Variants in CAST observed in about 807,000 individuals in gnomAD.
The protein encoded by CAST is MIR583 host.
A neutral mutation model predicts 119.6 loss-of-function variants in CAST; 76 were observed. The ratio of observed to expected loss-of-function variants is 0.64; its 90% CI spans 0.53 to 0.77. CAST has a LOEUF of 0.77. Among genes scored for constraint, CAST ranks in the 30% least tolerant of loss-of-function variants. The pLI, the probability that CAST is intolerant of heterozygous loss-of-function variation, is 0.00. For synonymous variants in CAST, 319 were observed against 331.6 expected, an observed-to-expected ratio of 0.96 and a Z score of 0.41; for missense variants, 953 against 946.5, an observed-to-expected ratio of 1.01 and a Z score of -0.09.
At chr5:96,730,031 CT>C (rs781437106) in intron 8 of CAST, among the ~76,000 whole-genome samples, 1 of 152,190 alleles carries the variant, frequency 6.6e-6, no homozygotes, top group Non-Finnish European at 1.5e-5. Context: ...AGACAGGCAG[CT>C]TTGGATTGAG....
chr5:96,703,056 A>G (rs1754190922), intron 3 of CAST: 1 of 496,514 alleles, frequency 2.0e-6, no homozygotes, highest in South Asian at 8.5e-5. Context: ...CGCTTTTCCT[A>G]CTATCGCGAC....
At chr5:96,441,988 CA>C in the CAST span, among the ~76,000 whole-genome samples, 1 of 152,154 alleles carries the variant, frequency 6.6e-6, no homozygotes, top group East Asian at 1.9e-4. Flanking sequence ...ACAATTTTCA[CA>C]AGGATTTCCA....
At chr5:96,726,283 TATC>T (rs1759233070) in intron 4 of CAST, among the ~76,000 whole-genome samples, 1 of 152,206 alleles carries the variant, frequency 6.6e-6, no homozygotes, top group Non-Finnish European at 1.5e-5. Context: ...AACTGTAAAA[TATC>T]ATACTAAAGA....
chr5:96,304,578 T>G, the CAST span, among the ~76,000 whole-genome samples: 3 of 152,224 alleles, frequency 2.0e-5, no homozygotes, highest in African/African-American at 7.2e-5. Context: ...TTTTTATGGT[T>G]TTAGGTCTTA....
At chr5:96,468,026 T>A in the CAST span, among the ~76,000 whole-genome samples, 3 of 151,344 alleles carry the variant, frequency 2.0e-5, no homozygotes, top group Admixed American at 2.0e-4. Flanking sequence ...AAAGTTGGTA[T>A]ATATATGCAC....
intron 1 of CAST, among the ~76,000 whole-genome samples, chr5:96,548,025 T>C (rs1746050426): frequency 6.6e-6 from 1 of 152,230 alleles, no homozygotes; most frequent in African/African-American, 2.4e-5. Context: ...ACTCCGTCTA[T>C]TACCTGCAAT....
the CAST span, among the ~76,000 whole-genome samples, chr5:96,352,608 C>A: frequency 7.9e-5 from 12 of 152,062 alleles, no homozygotes; most frequent in African/African-American, 2.4e-4. Flanking sequence ...ACACAATTAT[C>A]AAAATAAAAT....
At chr5:96,267,947 G>C in the CAST span, among the ~76,000 whole-genome samples, 1 of 152,112 alleles carries the variant, frequency 6.6e-6, no homozygotes, top group Non-Finnish European at 1.5e-5. Context: ...AAAGTATAGA[G>C]GTTTCTTCCT....
the CAST span, among the ~76,000 whole-genome samples, chr5:96,225,030 G>T: frequency 6.6e-5 from 10 of 152,182 alleles, no homozygotes; most frequent in African/African-American, 2.4e-4. Context: ...CATCATGTTG[G>T]CAGGCCTTAC....
intron 3 of CAST, chr5:96,702,667 A>G: frequency 1.7e-6 from 1 of 579,436 alleles, no homozygotes; most frequent in Non-Finnish European, 2.2e-6. Flanking sequence ...GCCAGTCTCC[A>G]GATGCCAGGC....
chr5:96,459,887 C>T, the CAST span, among the ~76,000 whole-genome samples: 60 of 152,288 alleles, frequency 3.9e-4, no homozygotes, highest in Non-Finnish European at 6.6e-4. Flanking sequence ...AAAAGCCTCC[C>T]TCATCTTCTG....
chr5:96,720,474 A>G (rs992929671), intron 3 of CAST, among the ~76,000 whole-genome samples: 110 of 152,368 alleles, frequency 7.2e-4, no homozygotes, highest in African/African-American at 2.6e-3. Context: ...GAATGGATTA[A>G]TAATGGGGTG....
intron 9 of CAST, among the ~76,000 whole-genome samples, chr5:96,731,772 G>C (rs1760579213): frequency 1.3e-5 from 2 of 149,410 alleles, no homozygotes; most frequent in South Asian, 2.1e-4. Context: ...TCGTTCTTGC[G>C]ATAGTTTACT....
At chr5:96,772,492 A>AG (rs1772808075) in intron 31 of CAST, 148 bp from the exon 32 acceptor site, 1 of 152,518 alleles carries the variant, frequency 6.6e-6, no homozygotes, top group Non-Finnish European at 1.5e-5. Flanking sequence ...ATTAAAAAAA[A>AG]TTCTATTAAT....
At chr5:96,170,609 A>T in the CAST span, among the ~76,000 whole-genome samples, 7 of 152,184 alleles carry the variant, frequency 4.6e-5, no homozygotes, top group African/African-American at 1.7e-4. Flanking sequence ...AACAAAGTGC[A>T]TATTGAGACT....
the CAST span, among the ~76,000 whole-genome samples, chr5:96,384,835 G>T: frequency 6.6e-6 from 1 of 152,084 alleles, no homozygotes; most frequent in Non-Finnish European, 1.5e-5. Flanking sequence ...CCCCTAAAGA[G>T]TCTTAGTACA....
the CAST span, chr5:96,247,801 C>T: frequency 6.6e-6 from 1 of 152,202 alleles, no homozygotes; most frequent in Non-Finnish European, 1.5e-5. Context: ...AAAGCATCTA[C>T]AGTGTTATCT....
chr5:96,477,270 A>C, the CAST span, among the ~76,000 whole-genome samples: 2 of 151,418 alleles, frequency 1.3e-5, no homozygotes, highest in African/African-American at 4.9e-5. Context: ...GAAAGATGCA[A>C]GGTAGAGAGA....
At chr5:96,704,269 C>T (rs1362561845) in intron 3 of CAST, among the ~76,000 whole-genome samples, 2 of 152,056 alleles carry the variant, frequency 1.3e-5, no homozygotes, top group East Asian at 3.8e-4. Flanking sequence ...AAGAAGAGTC[C>T]GAATGCCAGA....
Sources: gnomAD v4.1 joint callset for allele counts (sites outside exome capture counted in the v4.1 genomes callset) on GRCh38, gnomAD v4.1.1 for gene constraint, MANE v1.5 for transcripts, NCBI Gene and HGNC (gene_info 2026-07-23, HGNC 2026-07-21) for gene names.